RPRD1A: variants seen among roughly 807,000 people sequenced by gnomAD.
The protein encoded by RPRD1A is regulation of nuclear pre-mRNA domain containing 1A, also known as regulation of nuclear pre-mRNA domain-containing protein 1A.
A neutral mutation model predicts 37.8 loss-of-function variants in RPRD1A; 9 were observed. That is an observed-to-expected ratio of 0.24 (90% CI 0.14 to 0.42). RPRD1A has a LOEUF of 0.42. RPRD1A is among the 10% of genes least tolerant of loss of function. The pLI is 1.00. For synonymous variants in RPRD1A, 138 were observed against 139.7 expected, an observed-to-expected ratio of 0.99 and a Z score of 0.08; for missense variants, 255 against 371.0, an observed-to-expected ratio of 0.69 and a Z score of 2.57.
intron 6 of RPRD1A, among the ~76,000 whole-genome samples, chr18:35,993,686 T>C (rs915434099): frequency 1.2e-4 from 19 of 152,310 alleles, no homozygotes; most frequent in Middle Eastern, 3.4e-3. Context: ...GAGTCTGTGG[T>C]GTCTGAAGCA....
chr18:36,059,433 T>C (rs7237599), intron 1 of RPRD1A, among the ~76,000 whole-genome samples: 42,831 of 152,126 alleles, frequency 0.28, 6,656 homozygotes, highest in African/African-American at 0.42. Flanking sequence ...CCACCATACC[T>C]GGCCTTAATT....
intron 1 of RPRD1A, among the ~76,000 whole-genome samples, chr18:36,050,260 CAG>C (rs957619616): frequency 7.4e-5 from 11 of 149,386 alleles, no homozygotes; most frequent in South Asian, 2.1e-4. Flanking sequence ...AAAAAAAAAA[CAG>C]GGTCTCACTC....
At chr18:36,042,682 T>C (rs1598647106) in intron 1 of RPRD1A, among the ~76,000 whole-genome samples, 2 of 152,196 alleles carry the variant, frequency 1.3e-5, no homozygotes, top group South Asian at 4.1e-4. Context: ...TCAAGACATG[T>C]GCACAGGAAG....
intron 6 of RPRD1A, among the ~76,000 whole-genome samples, chr18:36,009,333 C>A (rs2144196460): frequency 6.6e-6 from 1 of 152,270 alleles, no homozygotes; most frequent in East Asian, 1.9e-4. Flanking sequence ...CCAACACAGG[C>A]AGACTCCTCA....
Position 36,067,487 on chromosome 18 carries a change from C to A in RPRD1A, c.-83G>T. 7.2e-7 allele frequency: 1 copy of A among 1,395,146 alleles called. No homozygotes were observed. The highest frequency in any genetic ancestry group is 1.4e-5 in the African/African-American group (1 of 69,464). 86.4% of individuals were successfully genotyped at this position (1,395,146 alleles called of 1,614,324 possible). ...CGCCGCCCTAGCTGCGGCCTCGCCCCCTCACCCCACCCTTCCCCACGCTCT... is the reference window on the plus strand; with the variant it reads ...CGCCGCCCTAGCTGCGGCCTCGCCCACTCACCCCACCCTTCCCCACGCTCT... On this transcript the variant is annotated 5_prime_UTR_variant, in exon 1 of 7. Transcript: ENST00000399022.
chr18:36,044,898 G>T (rs932460506), intron 1 of RPRD1A, among the ~76,000 whole-genome samples: 1 of 151,814 alleles, frequency 6.6e-6, no homozygotes, highest in African/African-American at 2.4e-5. Flanking sequence ...AAAAACAATA[G>T]TCTGAAATAC....
intron 6 of RPRD1A, among the ~76,000 whole-genome samples, chr18:35,998,248 C>G (rs1265266364): frequency 1.3e-5 from 2 of 152,184 alleles, no homozygotes; most frequent in Non-Finnish European, 1.5e-5. Context: ...ATCCCAGCTA[C>G]TTGGGAGGCT....
chr18:36,046,060 T>C (rs1422971728), intron 1 of RPRD1A, among the ~76,000 whole-genome samples: 1 of 152,226 alleles, frequency 6.6e-6, no homozygotes, highest in East Asian at 1.9e-4. Flanking sequence ...AGAGCTTTTA[T>C]GATTATATTA....
intron 1 of RPRD1A, among the ~76,000 whole-genome samples, chr18:36,047,672 G>A (rs767762204): frequency 3.9e-4 from 59 of 151,962 alleles, no homozygotes; most frequent in Non-Finnish European, 7.1e-4. Context: ...GCATCCAAAG[G>A]ATAAAAAGGA....
chr18:36,004,728 C>A (rs1050894547), intron 6 of RPRD1A, among the ~76,000 whole-genome samples: 1 of 152,070 alleles, frequency 6.6e-6, no homozygotes, highest in Non-Finnish European at 1.5e-5. Flanking sequence ...TATGGGGAAA[C>A]CCTGTCTCTA....
intron 2 of RPRD1A, among the ~76,000 whole-genome samples, 188 bp from the exon 3 acceptor site, chr18:36,031,285 C>T (rs537059636): frequency 6.6e-6 from 1 of 152,112 alleles, no homozygotes; most frequent in Admixed American, 6.5e-5. Flanking sequence ...ACACTGCTTG[C>T]TTCTAGTAAA....
chr18:36,030,741 A>T (rs2144290772), intron 4 of RPRD1A, 67 bp downstream of exon 4: 1 of 964,714 alleles, frequency 1.0e-6, no homozygotes, highest in South Asian at 1.5e-5. Context: ...GTGAAACGAA[A>T]TTAATAAAGC....
chr18:36,045,943 C>T (rs1912923164), intron 1 of RPRD1A, among the ~76,000 whole-genome samples: 1 of 152,130 alleles, frequency 6.6e-6, no homozygotes, highest in South Asian at 2.1e-4. Flanking sequence ...TTGTTGGATT[C>T]TATTTTGAAG....
intron 1 of RPRD1A, among the ~76,000 whole-genome samples, chr18:36,037,259 G>T (rs1231497821): frequency 6.7e-6 from 1 of 149,298 alleles, no homozygotes; most frequent in East Asian, 2.0e-4. Flanking sequence ...TGTCATAGGA[G>T]GAACCAGGTG....
At chr18:36,063,077 T>C (rs2088948768) in intron 1 of RPRD1A, 1 of 152,222 alleles carries the variant, frequency 6.6e-6, no homozygotes, top group Non-Finnish European at 1.5e-5. Flanking sequence ...AAACTCTTTC[T>C]TTAAAGGAGA....
intron 6 of RPRD1A, among the ~76,000 whole-genome samples, chr18:35,998,056 C>G (rs1220408804): frequency 1.3e-5 from 2 of 152,156 alleles, no homozygotes; most frequent in Non-Finnish European, 2.9e-5. Context: ...TTGATTCACA[C>G]ATCAAAATAA....
chr18:36,025,437 T>C (rs1176287945), intron 6 of RPRD1A: 4 of 334,408 alleles, frequency 1.2e-5, no homozygotes, highest in Non-Finnish European at 2.3e-5. Flanking sequence ...AAGGGGGTTG[T>C]GGGGAGTGGC....
chr18:36,056,558 G>A (rs1478690960), intron 1 of RPRD1A, among the ~76,000 whole-genome samples: 1 of 152,104 alleles, frequency 6.6e-6, no homozygotes, highest in East Asian at 1.9e-4. Context: ...AAAGTGCTGG[G>A]ATTACAGGTG....
chr18:36,063,278 G>A (rs759391784), intron 1 of RPRD1A, among the ~76,000 whole-genome samples: 1 of 152,184 alleles, frequency 6.6e-6, no homozygotes, highest in African/African-American at 2.4e-5. Context: ...AACCTCTTGG[G>A]CTCAAGTGAC....
Sources: allele counts gnomAD v4.1 joint callset (sites outside exome capture counted in the v4.1 genomes callset), GRCh38; gene constraint gnomAD v4.1.1; transcripts MANE v1.5; gene names NCBI Gene and HGNC (gene_info 2026-07-23, HGNC 2026-07-21).